Variants in TMEM132D observed in about 807,000 individuals in gnomAD.
TMEM132D encodes the protein mature OL transmembrane protein.
In TMEM132D, 21 loss-of-function variants were observed where a neutral mutation model predicts 62.3. The ratio of observed to expected loss-of-function variants is 0.34; its 90% CI spans 0.24 to 0.49. The LOEUF (loss-of-function observed/expected upper bound fraction) is 0.49. TMEM132D is among the 20% of genes least tolerant of loss of function. The pLI is 0.99. For synonymous variants in TMEM132D, 621 were observed against 575.6 expected, an observed-to-expected ratio of 1.08 and a Z score of -1.13; for missense variants, 1,346 against 1,402.8, an observed-to-expected ratio of 0.96 and a Z score of 0.65.
chr12:129,305,794 C>T (rs886128161), intron 4 of TMEM132D, among the ~76,000 whole-genome samples: 9 of 152,106 alleles, frequency 5.9e-5, no homozygotes, highest in African/African-American at 1.7e-4. Flanking sequence ...GTCCGGTCCA[C>T]GCAAGGTCTT....
intron 3 of TMEM132D, among the ~76,000 whole-genome samples, chr12:129,427,933 C>G (rs1469872274): frequency 6.6e-6 from 1 of 152,150 alleles, no homozygotes; most frequent in Non-Finnish European, 1.5e-5. Context: ...TATCTTATCT[C>G]TCCTGCAGTT....
intron 7 of TMEM132D, among the ~76,000 whole-genome samples, chr12:129,080,581 A>T (rs1034016286): frequency 6.6e-6 from 1 of 152,234 alleles, no homozygotes; most frequent in Non-Finnish European, 1.5e-5. Flanking sequence ...AGTTATAATG[A>T]TTCCTCATGC....
At position 129,666,580 on chromosome 12, in the gene TMEM132D, CTG is replaced by C. The variant is rs370218202; in HGVS notation, c.968+33228_968+33229del. Among the ~76,000 whole-genome samples, 114 of 152,128 alleles carry C rather than the reference CTG, an allele frequency of 7.5e-4. 1 individual carries two copies. The highest frequency in any genetic ancestry group is 2.6e-3 in the African/African-American group (109 of 41,456). ...AAACTATTTCCTTGACTTTTGAAAA[CTG>C]TCAATTTACCTACTTTGGAGCATTA... On this transcript the variant is annotated intron_variant, in intron 2 of 8. Transcript: ENST00000422113.
intron 4 of TMEM132D, among the ~76,000 whole-genome samples, chr12:129,316,187 T>C (rs911141043): frequency 1.3e-5 from 2 of 152,082 alleles, no homozygotes; most frequent in African/African-American, 4.8e-5. Flanking sequence ...TTCTGCTGGG[T>C]TTGGGTTTGG....
chr12:129,446,821 T>C (rs1021771135), intron 3 of TMEM132D, among the ~76,000 whole-genome samples: 1 of 152,206 alleles, frequency 6.6e-6, no homozygotes, highest in Admixed American at 6.5e-5. Flanking sequence ...GTGATTTCTT[T>C]ATTAGAAACA....
chr12:129,678,718 A>G (rs1248572586), intron 2 of TMEM132D, among the ~76,000 whole-genome samples: 2 of 152,148 alleles, frequency 1.3e-5, no homozygotes, highest in Non-Finnish European at 2.9e-5. Flanking sequence ...CTCAGAGGAT[A>G]TAAAGATATC....
chr12:129,208,133 G>C (rs1458957652), intron 5 of TMEM132D, among the ~76,000 whole-genome samples: 1 of 152,142 alleles, frequency 6.6e-6, no homozygotes, highest in Non-Finnish European at 1.5e-5. Flanking sequence ...GAGGAGGTAA[G>C]GACAGGCCCT....
At chr12:129,261,653 C>T (rs887812063) in intron 4 of TMEM132D, among the ~76,000 whole-genome samples, 1 of 152,112 alleles carries the variant, frequency 6.6e-6, no homozygotes, top group Non-Finnish European at 1.5e-5. Context: ...GATCAAGGTG[C>T]TATCAGTGTT....
chr12:129,899,922 A>G (rs540561806), intron 1 of TMEM132D, among the ~76,000 whole-genome samples: 20 of 151,090 alleles, frequency 1.3e-4, no homozygotes, highest in African/African-American at 4.9e-4. Flanking sequence ...TCTCCCAAAA[A>G]GTTCCTGACC....
intron 5 of TMEM132D, among the ~76,000 whole-genome samples, chr12:129,111,993 C>T (rs754454026): frequency 6.6e-6 from 1 of 152,164 alleles, no homozygotes; most frequent in Non-Finnish European, 1.5e-5. Context: ...GGTGGAGGGG[C>T]GTGACAGTGT....
intron 1 of TMEM132D, among the ~76,000 whole-genome samples, chr12:129,759,107 T>G (rs1384237791): frequency 6.6e-6 from 1 of 152,074 alleles, no homozygotes; most frequent in South Asian, 2.1e-4. Flanking sequence ...CTAATTTTTG[T>G]ATTTTTAGTA....
At chr12:129,252,453 T>C (rs1411725727) in intron 4 of TMEM132D, among the ~76,000 whole-genome samples, 2 of 152,120 alleles carry the variant, frequency 1.3e-5, no homozygotes, top group Non-Finnish European at 2.9e-5. Flanking sequence ...TCCAGATCAC[T>C]AGCTGGTGGT....
chr12:129,495,268 C>T (rs183426063), intron 3 of TMEM132D, among the ~76,000 whole-genome samples: 2 of 152,186 alleles, frequency 1.3e-5, no homozygotes, highest in Admixed American at 6.5e-5. Flanking sequence ...ATCAGCAAAA[C>T]GAGGTGCAGT....
intron 1 of TMEM132D, among the ~76,000 whole-genome samples, chr12:129,756,090 G>A (rs1328792280): frequency 6.6e-6 from 1 of 152,182 alleles, no homozygotes; most frequent in Non-Finnish European, 1.5e-5. Context: ...ACTCAGGGAG[G>A]CGAAGAGTAG....
In TMEM132D at chr12:129,551,094, T is replaced by C. The variant is rs550665224; in HGVS notation, c.969-19889A>G. Among the ~76,000 whole-genome samples the C allele has an allele frequency of 3.5e-4, 54 of 152,298 alleles. No individual in the cohort carries two copies. The South Asian group carries it at 7.7e-3, about 22-fold the overall frequency. On this transcript the variant is annotated intron_variant, in intron 2 of 8. Transcript: ENST00000422113. ...CCCAGGCAAGAGCCAGCCTCAACCA[T>C]TGCACATGTTTGGAGTGGGCCTTCA...
At position 129,392,406 on chromosome 12, in the gene TMEM132D, G is replaced by T. The variant is rs534441445; in HGVS notation, c.1116-54589C>A. ...TCCCAGCTGACTGAACAACAAGACT[G>T]GGGGAATCAGAGTTCCCTGGAGCCA... On this transcript the variant is annotated intron_variant, in intron 3 of 8. Transcript: ENST00000422113. Among the ~76,000 whole-genome samples, 21 of 152,302 alleles carry T rather than the reference G, an allele frequency of 1.4e-4. 1 individual carries two copies. Among genetic ancestry groups the T allele is most frequent in the African/African-American group, 4.6e-4 (19 of 41,582 alleles).
intron 2 of TMEM132D, among the ~76,000 whole-genome samples, chr12:129,589,200 C>T (rs1420118528): frequency 6.6e-6 from 1 of 151,928 alleles, no homozygotes; most frequent in Non-Finnish European, 1.5e-5. Flanking sequence ...GGTAGTTTAC[C>T]CCATACTGTT....
chr12:129,406,998 A>T (rs1871810196), intron 3 of TMEM132D, among the ~76,000 whole-genome samples: 1 of 152,262 alleles, frequency 6.6e-6, no homozygotes, highest in Non-Finnish European at 1.5e-5. Flanking sequence ...TAGATAAAGC[A>T]GAAGGTACTT....
intron 1 of TMEM132D, among the ~76,000 whole-genome samples, chr12:129,821,244 C>T (rs186840182): frequency 3.9e-5 from 6 of 152,232 alleles, no homozygotes; most frequent in Non-Finnish European, 7.3e-5. Flanking sequence ...ATTGTGTGTT[C>T]GCATTTGTCA....
Sources: allele counts gnomAD v4.1 joint callset (sites outside exome capture counted in the v4.1 genomes callset), GRCh38; gene constraint gnomAD v4.1.1; transcripts MANE v1.5; gene names NCBI Gene and HGNC (gene_info 2026-07-23, HGNC 2026-07-21).